Variants in KIFC3 observed in about 807,000 individuals in gnomAD.
KIFC3 encodes the protein kinesin-like protein KIFC3.
A neutral mutation model predicts 101.8 loss-of-function variants in KIFC3; 60 were observed. The ratio of observed to expected loss-of-function variants is 0.59; its 90% CI spans 0.48 to 0.73. The LOEUF (loss-of-function observed/expected upper bound fraction) is 0.73. KIFC3 is among the 30% of genes least tolerant of loss of function. The probability of loss-of-function intolerance (pLI) is 0.00; values close to 1 mark genes in which losing one functional copy is unlikely to be tolerated. For synonymous variants in KIFC3, 476 were observed against 482.7 expected (o/e 0.99, Z 0.18); for missense variants, 966 against 1,137.1 (o/e 0.85, Z 2.16).
intron 17 of KIFC3, 80 bp downstream of exon 17, chr16:57,760,202 C>A: frequency 6.6e-7 from 1 of 1,513,042 alleles, no homozygotes; most frequent in Non-Finnish European, 8.9e-7. Flanking sequence ...AGGACGTCCC[C>A]GCCCAGCTCC....
At chr16:57,839,983 G>T (rs888258126) in intron 1 of KIFC3, among the ~76,000 whole-genome samples, 2 of 151,940 alleles carry the variant, frequency 1.3e-5, no homozygotes, top group East Asian at 3.9e-4. Context: ...TTGTCCCCTC[G>T]CTGGCCCATT....
At chr16:57,826,551 C>G (rs1007951938) in intron 1 of KIFC3, among the ~76,000 whole-genome samples, 1 of 152,072 alleles carries the variant, frequency 6.6e-6, no homozygotes. Context: ...CGTAAAATAC[C>G]AGTTCTTTCT....
chr16:57,802,762 A>G (rs1555626033), upstream of KIFC3: 1 of 742,402 alleles, frequency 1.3e-6, no homozygotes, highest in African/African-American at 1.7e-5. The surrounding 1 kb of genome is among the most constrained non-coding windows in gnomAD (Gnocchi z 5.0). Flanking sequence ...GAAGGCTCTC[A>G]CAAAACAGGC....
intron 1 of KIFC3, among the ~76,000 whole-genome samples, chr16:57,800,254 A>T (rs1046046456): frequency 6.6e-6 from 1 of 152,216 alleles, no homozygotes; most frequent in African/African-American, 2.4e-5. Context: ...TCCTTGACTT[A>T]GAACAACTAG....
chr16:57,782,741 C>T (rs935841661), intron 3 of KIFC3, among the ~76,000 whole-genome samples: 1 of 152,146 alleles, frequency 6.6e-6, no homozygotes, highest in African/African-American at 2.4e-5. Flanking sequence ...GTCAGGAGGT[C>T]GAGACCAGCC....
At chr16:57,812,333 C>A in intron 1 of KIFC3, among the ~76,000 whole-genome samples, 1 of 143,860 alleles carries the variant, frequency 7.0e-6, no homozygotes, top group African/African-American at 2.6e-5. Flanking sequence ...TGAGCCACTG[C>A]GCCCAGCCCC....
chr16:57,843,020 C>G (rs775367339), intron 1 of KIFC3, among the ~76,000 whole-genome samples: 5 of 152,040 alleles, frequency 3.3e-5, no homozygotes, highest in Non-Finnish European at 7.3e-5. Context: ...GTAATCCCAG[C>G]TACTCGGGAG....
intron 1 of KIFC3, among the ~76,000 whole-genome samples, chr16:57,831,564 C>T (rs2055581185): frequency 6.6e-6 from 1 of 152,138 alleles, no homozygotes; most frequent in Admixed American, 6.6e-5. Flanking sequence ...GTGGTGTGTG[C>T]CTGTAGTCCC....
rs782034852 is a variant in KIFC3 at position 57,760,858 on chromosome 16, C to T, written c.2100G>A (p.Ser700=). 1.2e-6 allele frequency: 2 copies of T among 1,612,862 alleles called. No homozygotes were observed. Among genetic ancestry groups the T allele is most frequent in the South Asian group, 1.1e-5 (1 of 91,084 alleles). The change falls in exon 16 of 20, where the codon TCG becomes TCA. Residue 700 remains serine (S), a synonymous_variant. Coordinates refer to ENST00000445690, the MANE Select transcript of KIFC3 (RefSeq NM_001130100.2). ...CAATGACGTCCCCCAGAGCCGACAGCGACTTGTTGATGTGCTGCGCCTCCC... is the reference window on the plus strand; with the variant it reads ...CAATGACGTCCCCCAGAGCCGACAGTGACTTGTTGATGTGCTGCGCCTCCC... ...RLREAQHINK[S]LSALGDVIAA...
At chr16:57,861,597 G>C (rs1227794549) in intron 1 of KIFC3, among the ~76,000 whole-genome samples, 2 of 152,128 alleles carry the variant, frequency 1.3e-5, no homozygotes, top group African/African-American at 4.8e-5. Flanking sequence ...CCCAGGGGTC[G>C]ATCATAAAAC....
chr16:57,820,438 C>A (rs2055325772), intron 1 of KIFC3, among the ~76,000 whole-genome samples: 1 of 152,074 alleles, frequency 6.6e-6, no homozygotes, highest in South Asian at 2.1e-4. Context: ...TAACACTCGG[C>A]TAATTTTTTT....
chr16:57,861,369 T>C (rs1959261273), intron 1 of KIFC3, among the ~76,000 whole-genome samples: 2 of 152,194 alleles, frequency 1.3e-5, no homozygotes, highest in Admixed American at 1.3e-4. Flanking sequence ...TACCCAGCCT[T>C]TATTCAAGAT....
intron 1 of KIFC3, among the ~76,000 whole-genome samples, chr16:57,831,302 C>T (rs2055575783): frequency 6.6e-6 from 1 of 152,192 alleles, no homozygotes. Context: ...GTGACTCTTC[C>T]AATAATAGCA....
intron 1 of KIFC3, among the ~76,000 whole-genome samples, chr16:57,836,731 G>A (rs1287132419): frequency 6.6e-6 from 1 of 151,786 alleles, no homozygotes; most frequent in Non-Finnish European, 1.5e-5. Context: ...TTGCTCTGTT[G>A]CGCAGGCTGG....
chr16:57,772,313 G>C (rs782722923), intron 3 of KIFC3, 25 bp from the exon 4 acceptor site: 2 of 1,608,636 alleles, frequency 1.2e-6, no homozygotes, highest in Non-Finnish European at 1.7e-6. Flanking sequence ...TCAGGAGCAA[G>C]GTGAGCCTCA....
intron 11 of KIFC3, among the ~76,000 whole-genome samples, chr16:57,764,953 G>C (rs2148889072): frequency 6.6e-6 from 1 of 151,708 alleles, no homozygotes; most frequent in Non-Finnish European, 1.5e-5. Context: ...ATGAGGGTGG[G>C]ATGGGCTGTG....
At chr16:57,809,128 T>C (rs1467379640) in intron 1 of KIFC3, among the ~76,000 whole-genome samples, 5 of 152,062 alleles carry the variant, frequency 3.3e-5, no homozygotes, top group Non-Finnish European at 7.4e-5. Flanking sequence ...CATCTCTAAA[T>C]TTTTTTTAAT....
chr16:57,805,721 G>C (rs1194138680), upstream of KIFC3, among the ~76,000 whole-genome samples: 4 of 148,440 alleles, frequency 2.7e-5, no homozygotes, highest in African/African-American at 9.9e-5. Context: ...TGTTGCCCAG[G>C]CTGGAGTGCA....
In KIFC3 at chr16:57,760,358, C is replaced by G. The variant is rs1555595017; in HGVS notation, c.2291G>C (p.Arg764Thr). ...ETLYSLKFAE[R>T]VRSVELGPGL... ...AGGCCCCAGCTCCACAGAGCGCACC[C>G]TCTCAGCAAACTTGAGGGAATAGAG... Residue 764 changes from arginine to threonine, a missense_variant, in exon 17 of 20, where the codon AGG becomes ACG. Physicochemically the swap from Arg to Thr is moderately conservative, Grantham distance 71. Transcript: ENST00000445690. 6.2e-7 allele frequency: 1 copy of G among 1,613,910 alleles called. No individual in the cohort carries two copies. The highest frequency in any genetic ancestry group is 8.5e-7 in the Non-Finnish European group (1 of 1,179,998).
Sources: gnomAD v4.1 joint callset for allele counts (sites outside exome capture counted in the v4.1 genomes callset) on GRCh38, gnomAD v4.1.1 for gene constraint, Gnocchi (gnomAD v3.1) non-coding constraint, MANE v1.5 for transcripts, NCBI Gene and HGNC (gene_info 2026-07-23, HGNC 2026-07-21) for gene names.